ZNF385D: variants seen among roughly 807,000 people sequenced by gnomAD.
ZNF385D encodes zinc finger protein 659.
A neutral mutation model predicts 35.8 loss-of-function variants in ZNF385D; 15 were observed. The ratio of observed to expected loss-of-function variants is 0.42; its 90% CI spans 0.28 to 0.64. The LOEUF (loss-of-function observed/expected upper bound fraction) is 0.64, where lower values mean the gene tolerates loss of function less well. Ranked by LOEUF, ZNF385D falls within the 30% of genes least tolerant of loss-of-function variation. The pLI is 0.23. For synonymous variants in ZNF385D, 212 were observed against 186.8 expected (o/e 1.13, Z -1.10); for missense variants, 474 against 494.6 (o/e 0.96, Z 0.39).
At chr3:22,196,706 G>C (rs367911824) in intron 2 of ZNF385D, among the ~76,000 whole-genome samples, 2 of 151,836 alleles carry the variant, frequency 1.3e-5, no homozygotes, top group South Asian at 2.1e-4. Flanking sequence ...CTTGTTTTAC[G>C]TCATTTATTA....
chr3:22,251,387 A>T (rs1161362580), intron 2 of ZNF385D, among the ~76,000 whole-genome samples: 1 of 152,170 alleles, frequency 6.6e-6, no homozygotes, highest in African/African-American at 2.4e-5. Context: ...CAAACAAACA[A>T]ATATAATACC....
intron 4 of ZNF385D, among the ~76,000 whole-genome samples, chr3:21,454,826 A>G (rs564756642): frequency 2.6e-5 from 4 of 152,178 alleles, no homozygotes; most frequent in African/African-American, 9.7e-5. Flanking sequence ...ACATGATTGT[A>G]TATCTAGAAA....
chr3:21,692,784 T>C (rs1477975780), intron 1 of ZNF385D, among the ~76,000 whole-genome samples: 1 of 152,202 alleles, frequency 6.6e-6, no homozygotes, highest in East Asian at 1.9e-4. Flanking sequence ...GGTCAGAAGT[T>C]GCCTTTGTGA....
intron 2 of ZNF385D, among the ~76,000 whole-genome samples, chr3:22,263,391 CT>C (rs1440714005): frequency 6.6e-6 from 1 of 151,870 alleles, no homozygotes; most frequent in Non-Finnish European, 1.5e-5. Context: ...CATCTTTCAA[CT>C]TTTTTTTCCT....
chr3:21,912,269 A>G (rs1296702221), intron 3 of ZNF385D, among the ~76,000 whole-genome samples: 1 of 151,436 alleles, frequency 6.6e-6, no homozygotes, highest in Non-Finnish European at 1.5e-5. Flanking sequence ...TAAGACAATA[A>G]TAACCCCAAG....
At chr3:22,309,056 T>C (rs748685103) in intron 2 of ZNF385D, among the ~76,000 whole-genome samples, 10 of 152,082 alleles carry the variant, frequency 6.6e-5, no homozygotes, top group Non-Finnish European at 1.0e-4. Context: ...AGAAAGGAAA[T>C]CATAAGCCAG....
rs140252959 is a variant in ZNF385D at position 22,028,620 on chromosome 3, C to T, written c.325+140197G>A. Reference sequence around the variant, plus strand: ...TACTCTGGATATGGGTTTGCCTATCCTGCACACAATGCTTCTGCCAAGACT... The same window carrying T: ...TACTCTGGATATGGGTTTGCCTATCTTGCACACAATGCTTCTGCCAAGACT... On this transcript the variant is annotated intron_variant, in intron 3 of 5. Transcript: ENST00000494108. 3.3e-3 allele frequency among the ~76,000 whole-genome samples: 504 copies of T among 152,302 alleles called. 4 individuals carry two copies. Among genetic ancestry groups the T allele is most frequent in the African/African-American group, 0.011 (478 of 41,570 alleles).
intron 2 of ZNF385D, among the ~76,000 whole-genome samples, chr3:21,658,300 G>C (rs1485797498): frequency 6.6e-6 from 1 of 152,014 alleles, no homozygotes; most frequent in Non-Finnish European, 1.5e-5. Context: ...ATTAACCAGA[G>C]TAAACAAACA....
chr3:22,187,014 G>A (rs541501513), intron 2 of ZNF385D, among the ~76,000 whole-genome samples: 35 of 152,178 alleles, frequency 2.3e-4, no homozygotes, highest in African/African-American at 4.6e-4. Flanking sequence ...CCAGCAAGTC[G>A]CAGAGCTGGG....
Position 21,916,196 on chromosome 3 carries a change from G to A in ZNF385D, c.326-251168C>T, listed in dbSNP as rs141770123. Among the ~76,000 whole-genome samples, 635 of 152,156 alleles carry A rather than the reference G, an allele frequency of 4.2e-3. 5 individuals carry two copies. The highest frequency in any genetic ancestry group is 0.015 in the African/African-American group (609 of 41,546). On this transcript the variant is annotated intron_variant, in intron 3 of 5. Transcript: ENST00000494108. ...TGTTAATCACAATGCAACAAAACTG[G>A]AAATATATAATTAAAATAAAGAGAA... is the stretch of plus-strand genomic sequence containing the variant.
intron 3 of ZNF385D, among the ~76,000 whole-genome samples, chr3:21,781,141 T>C (rs2071473620): frequency 6.6e-6 from 1 of 152,030 alleles, no homozygotes; most frequent in South Asian, 2.1e-4. Flanking sequence ...TAAGGTCAGC[T>C]ATAGTGTTCC....
chr3:22,095,333 A>G (rs999537502), intron 3 of ZNF385D, among the ~76,000 whole-genome samples: 2 of 151,658 alleles, frequency 1.3e-5, no homozygotes, highest in African/African-American at 2.4e-5. Flanking sequence ...CTGCACATCT[A>G]TTTCTTTATC....
chr3:21,959,056 A>G (rs746214245), intron 3 of ZNF385D: 7 of 152,194 alleles, frequency 4.6e-5, no homozygotes, highest in Non-Finnish European at 7.4e-5. Flanking sequence ...TATTTCATGC[A>G]GTTAATAAAG....
intron 3 of ZNF385D, among the ~76,000 whole-genome samples, chr3:22,033,587 A>G (rs934532989): frequency 6.6e-6 from 1 of 152,100 alleles, no homozygotes; most frequent in Non-Finnish European, 1.5e-5. Flanking sequence ...ATCAGTGTTC[A>G]GTGTAACCAC....
At chr3:21,924,385 A>G (rs1427441527) in intron 3 of ZNF385D, among the ~76,000 whole-genome samples, 1 of 152,192 alleles carries the variant, frequency 6.6e-6, no homozygotes, top group Non-Finnish European at 1.5e-5. Flanking sequence ...AAGACATCAA[A>G]GAGTGCAGAT....
At chr3:21,668,120 C>G (rs1048742266) in intron 1 of ZNF385D, among the ~76,000 whole-genome samples, 1 of 152,122 alleles carries the variant, frequency 6.6e-6, no homozygotes, top group Admixed American at 6.5e-5. Context: ...CCAGAACCCC[C>G]TTCGGCACCA....
chr3:22,106,863 T>C (rs1056548820), intron 3 of ZNF385D, among the ~76,000 whole-genome samples: 9 of 152,064 alleles, frequency 5.9e-5, no homozygotes, highest in Admixed American at 3.9e-4. Flanking sequence ...AACTTGTGAT[T>C]TGGGCACTCA....
intron 4 of ZNF385D, among the ~76,000 whole-genome samples, chr3:21,487,526 T>G (rs1224039549): frequency 1.3e-5 from 2 of 152,156 alleles, no homozygotes; most frequent in Admixed American, 1.3e-4. Flanking sequence ...TATTTACTGA[T>G]GCTTCCAAAT....
chr3:21,898,793 A>G (rs1478121882), intron 3 of ZNF385D, among the ~76,000 whole-genome samples: 2 of 152,136 alleles, frequency 1.3e-5, no homozygotes, highest in African/African-American at 4.8e-5. Context: ...TGATAAAGCA[A>G]AGGCTACCAC....
Sources: gnomAD v4.1 joint callset for allele counts (sites outside exome capture counted in the v4.1 genomes callset) on GRCh38, gnomAD v4.1.1 for gene constraint, MANE v1.5 for transcripts, NCBI Gene and HGNC (gene_info 2026-07-23, HGNC 2026-07-21) for gene names.